ERI3: variants seen among roughly 807,000 people sequenced by gnomAD.
ERI3 encodes ERI1 exoribonuclease family member 3.
ERI3 carries 18 observed loss-of-function variants against 44.4 expected under a neutral mutation model. That is an observed-to-expected ratio of 0.41 (90% CI 0.28 to 0.60). The LOEUF (loss-of-function observed/expected upper bound fraction) is 0.60, where lower values mean the gene tolerates loss of function less well. Ranked by LOEUF, ERI3 falls within the 20% of genes least tolerant of loss-of-function variation. The probability of loss-of-function intolerance (pLI) is 0.36; values close to 1 mark genes in which losing one functional copy is unlikely to be tolerated. For synonymous variants in ERI3, 183 were observed against 164.8 expected, an observed-to-expected ratio of 1.11 and a Z score of -0.84; for missense variants, 294 against 435.5, an observed-to-expected ratio of 0.68 and a Z score of 2.89.
At chr1:44,324,852 C>T (rs1039287463) in intron 3 of ERI3, among the ~76,000 whole-genome samples, 2 of 152,104 alleles carry the variant, frequency 1.3e-5, no homozygotes, top group South Asian at 2.1e-4. Context: ...TGTCTGCCAA[C>T]GGTGGATGAA....
intron 5 of ERI3, among the ~76,000 whole-genome samples, chr1:44,309,835 T>C (rs1645916439): frequency 6.6e-6 from 1 of 152,068 alleles, no homozygotes; most frequent in Non-Finnish European, 1.5e-5. Flanking sequence ...AGTGCTGGGA[T>C]TACAGGGGTA....
intron 6 of ERI3, among the ~76,000 whole-genome samples, chr1:44,302,165 T>C (rs1645739859): frequency 6.6e-6 from 1 of 152,262 alleles, no homozygotes; most frequent in Non-Finnish European, 1.5e-5. Context: ...ATGTCATCCA[T>C]GCTTCTTCCT....
At chr1:44,250,751 G>T (rs1398306964) in intron 7 of ERI3, among the ~76,000 whole-genome samples, 1 of 152,176 alleles carries the variant, frequency 6.6e-6, no homozygotes, top group Non-Finnish European at 1.5e-5. Flanking sequence ...GGCGGGAGAG[G>T]GGGTGGCGCA....
intron 4 of ERI3, among the ~76,000 whole-genome samples, chr1:44,315,394 G>C (rs1416362245): frequency 6.6e-6 from 1 of 152,194 alleles, no homozygotes; most frequent in East Asian, 1.9e-4. Context: ...CTGGGCCCCA[G>C]GAAAATCACT....
intron 8 of ERI3, among the ~76,000 whole-genome samples, chr1:44,238,380 A>G (rs1557774292): frequency 6.6e-6 from 1 of 151,098 alleles, no homozygotes; most frequent in Non-Finnish European, 1.5e-5. Context: ...TGCGGAGAGT[A>G]AGGGCCGGCC....
chr1:44,274,447 G>C (rs1482391860), intron 7 of ERI3, among the ~76,000 whole-genome samples: 1 of 152,188 alleles, frequency 6.6e-6, no homozygotes, highest in Non-Finnish European at 1.5e-5. Context: ...ACAAGGCGAG[G>C]GAAGGAGTGA....
chr1:44,299,471 C>A (rs1253370150), intron 6 of ERI3, among the ~76,000 whole-genome samples: 1 of 152,094 alleles, frequency 6.6e-6, no homozygotes, highest in Non-Finnish European at 1.5e-5. Flanking sequence ...CAGGTGTGGG[C>A]CACTATACCA....
intron 7 of ERI3, among the ~76,000 whole-genome samples, chr1:44,253,013 G>A (rs1016290786): frequency 3.3e-5 from 5 of 152,186 alleles, no homozygotes; most frequent in African/African-American, 1.2e-4. Flanking sequence ...CTCAAGACTA[G>A]GAGCCAAATC....
In ERI3 at chr1:44,306,226, T is replaced by C. The variant is rs144297334; in HGVS notation, c.758+2084A>G. Among the ~76,000 whole-genome samples, 420 of 152,290 alleles carry C rather than the reference T, an allele frequency of 2.8e-3. 3 individuals carry two copies. The highest frequency in any genetic ancestry group is 9.3e-3 in the African/African-American group (387 of 41,556). The stretch of plus-strand genomic sequence containing the variant: ...TCTGAAGCTTCATCAGCCTTCCCAG[T>C]CCAAACCCAAACCAGCCCACAAAGT... On this transcript the variant is annotated intron_variant, in intron 6 of 8. Transcript: ENST00000372257.
chr1:44,276,514 T>C (rs1208526726), intron 7 of ERI3, among the ~76,000 whole-genome samples: 1 of 152,178 alleles, frequency 6.6e-6, no homozygotes, highest in Non-Finnish European at 1.5e-5. Flanking sequence ...TAACATTCTT[T>C]TCCATACAAC....
chr1:44,255,510 C>G (rs1274167205), intron 7 of ERI3, among the ~76,000 whole-genome samples: 2 of 152,214 alleles, frequency 1.3e-5, no homozygotes, highest in Admixed American at 1.3e-4. Context: ...TGCTACCACT[C>G]TCCTTGGGTT....
chr1:44,312,311 A>C (rs991625935), intron 5 of ERI3, among the ~76,000 whole-genome samples: 4 of 152,178 alleles, frequency 2.6e-5, no homozygotes, highest in African/African-American at 9.7e-5. Flanking sequence ...GTCTTAAAAA[A>C]TAAATAAAGC....
At chr1:44,343,013 T>G (rs184370876) in intron 2 of ERI3, among the ~76,000 whole-genome samples, 1 of 150,900 alleles carries the variant, frequency 6.6e-6, no homozygotes, top group South Asian at 2.1e-4. Context: ...CCAGCCCCAG[T>G]TGCCTTCTAA....
chr1:44,332,236 C>T (rs1557858991), intron 3 of ERI3, among the ~76,000 whole-genome samples: 1 of 152,122 alleles, frequency 6.6e-6, no homozygotes, highest in South Asian at 2.1e-4. Context: ...TGATTTCACT[C>T]ACCATTTATC....
intron 7 of ERI3, among the ~76,000 whole-genome samples, chr1:44,282,697 T>G (rs1324725015): frequency 1.3e-5 from 2 of 152,148 alleles, no homozygotes; most frequent in Non-Finnish European, 2.9e-5. Context: ...TTAAGCACAT[T>G]TGCAATACAA....
intron 6 of ERI3, among the ~76,000 whole-genome samples, chr1:44,297,782 G>C (rs1645641166): frequency 1.3e-5 from 2 of 152,238 alleles, no homozygotes; most frequent in Non-Finnish European, 2.9e-5. Context: ...TGACAAAACA[G>C]AGGTCACTCA....
intron 3 of ERI3, among the ~76,000 whole-genome samples, chr1:44,329,291 C>T (rs1221579610): frequency 6.6e-6 from 1 of 152,196 alleles, no homozygotes; most frequent in East Asian, 1.9e-4. Flanking sequence ...CCTGCATATC[C>T]TAAGGCACCT....
chr1:44,303,219 A>T (rs1325175188), intron 6 of ERI3, among the ~76,000 whole-genome samples: 1 of 152,224 alleles, frequency 6.6e-6, no homozygotes, highest in Non-Finnish European at 1.5e-5. Context: ...GGAGGGCCCA[A>T]CACACAGTGG....
intron 7 of ERI3, among the ~76,000 whole-genome samples, chr1:44,267,625 A>G (rs1362097230): frequency 6.6e-6 from 1 of 152,238 alleles, no homozygotes; most frequent in African/African-American, 2.4e-5. Flanking sequence ...CACAGCAAAC[A>G]CACCACTGGG....
Sources: gnomAD v4.1 joint callset for allele counts (sites outside exome capture counted in the v4.1 genomes callset) on GRCh38, gnomAD v4.1.1 for gene constraint, MANE v1.5 for transcripts, NCBI Gene and HGNC (gene_info 2026-07-23, HGNC 2026-07-21) for gene names.